The following SH3KBP1 variants were observed in gnomAD, a reference collection of about 807,000 sequenced individuals.
SH3KBP1 encodes the protein SH3 domain-containing kinase-binding protein 1.
In SH3KBP1, 8 loss-of-function variants were observed where a neutral mutation model predicts 50.1. That is an observed-to-expected ratio of 0.16 (90% CI 0.09 to 0.29). SH3KBP1 has a LOEUF of 0.29. SH3KBP1 is among the 10% of genes least tolerant of loss of function. The pLI is 1.00. For synonymous variants in SH3KBP1, 227 were observed against 218.6 expected, an observed-to-expected ratio of 1.04 and a Z score of -0.34; for missense variants, 377 against 535.2, an observed-to-expected ratio of 0.70 and a Z score of 2.92.
At chrX:19,612,251 A>G (rs943279051) in intron 8 of SH3KBP1, among the ~76,000 whole-genome samples, 34 of 111,689 alleles carry the variant, frequency 3.0e-4, no homozygotes, top group African/African-American at 1.1e-3. Flanking sequence ...ATAAAATAGC[A>G]GCAAATTCTA....
At chrX:19,558,694 AT>A (rs1214619760) in intron 13 of SH3KBP1, among the ~76,000 whole-genome samples, 3 of 111,844 alleles carry the variant, frequency 2.7e-5, no homozygotes, top group African/African-American at 9.8e-5. Flanking sequence ...GAAGTTTAAG[AT>A]TTTTTCTTTC....
At chrX:19,759,457 C>T (rs982704328) in intron 2 of SH3KBP1, among the ~76,000 whole-genome samples, 24 of 111,997 alleles carry the variant, frequency 2.1e-4, no homozygotes, top group Middle Eastern at 9.2e-3. Flanking sequence ...GACTTTTTAA[C>T]GAACAAAAAA....
rs902198436 is a variant in SH3KBP1 at position 19,613,496 on chromosome X, G to A, written c.898-5451C>T. On this transcript the variant is annotated intron_variant, in intron 8 of 17. Coordinates refer to ENST00000397821, the MANE Select transcript of SH3KBP1 (RefSeq NM_031892.3). ...GACCTAAACCCTTAGCAAGAATATG[G>A]AAAGAAATCATATTTCTGACATATC... is the stretch of plus-strand genomic sequence containing the variant. Among the ~76,000 whole-genome samples, 3 of 112,168 alleles carry A rather than the reference G, an allele frequency of 2.7e-5. No individual in the cohort carries two copies. The Admixed American group carries it at 2.8e-4, about 11-fold the overall frequency.
chrX:19,842,051 T>C (rs1018528754), intron 1 of SH3KBP1, among the ~76,000 whole-genome samples: 2 of 111,114 alleles, frequency 1.8e-5, no homozygotes, highest in African/African-American at 6.6e-5. Flanking sequence ...AATCAGTGGC[T>C]GCCTAGGGCC....
chrX:19,669,930 A>AGCCAACAG (rs2062742495), intron 6 of SH3KBP1, among the ~76,000 whole-genome samples: 1 of 110,314 alleles, frequency 9.1e-6, no homozygotes, highest in African/African-American at 3.3e-5. Context: ...TATAAGTTAA[A>AGCCAACAG]GCCAACAGAA....
At chrX:19,680,220 C>CA (rs1340959067) in intron 6 of SH3KBP1, among the ~76,000 whole-genome samples, 70 of 107,349 alleles carry the variant, frequency 6.5e-4, no homozygotes, top group Non-Finnish European at 1.1e-3. Flanking sequence ...ACTAAAAATA[C>CA]AAAAAAAAAT....
At chrX:19,550,321 C>A (rs1363108979) in intron 13 of SH3KBP1, among the ~76,000 whole-genome samples, 6 of 111,515 alleles carry the variant, frequency 5.4e-5, no homozygotes, top group Non-Finnish European at 7.5e-5. Flanking sequence ...CAGGATTTTT[C>A]TTTTTCCCTT....
intron 1 of SH3KBP1, among the ~76,000 whole-genome samples, chrX:19,872,692 C>T (rs537653774): frequency 9.1e-6 from 1 of 109,846 alleles, no homozygotes; most frequent in Non-Finnish European, 1.9e-5. Context: ...AGGAGAATGG[C>T]GTGAACCCGG....
intron 3 of SH3KBP1, among the ~76,000 whole-genome samples, chrX:19,717,239 T>G (rs1413852305): frequency 8.9e-6 from 1 of 111,907 alleles, no homozygotes; most frequent in East Asian, 2.8e-4. Context: ...GACCTTCTCT[T>G]ACTTGTCCTT....
At position 19,535,158 on chromosome X, in the gene SH3KBP1, C is replaced by T. The variant is rs1273828765; in HGVS notation, c.*1259G>A. On this transcript the variant is annotated 3_prime_UTR_variant, in exon 18 of 18. Transcript: ENST00000397821. ...GAGAAAACAGTTACATAGTCTAAGG[C>T]TGAACTGTTCATGTACTACAAAGAT... 9 of 287,570 alleles carry T rather than the reference C, an allele frequency of 3.1e-5. No homozygotes were observed. Among genetic ancestry groups the T allele is most frequent in the Non-Finnish European group, 5.4e-5 (9 of 165,146 alleles). The allele number at this position is 287,570 out of a possible 1,213,427, so 23.7% of individuals were successfully genotyped here.
chrX:19,539,755 A>G (rs2064827711), intron 16 of SH3KBP1, among the ~76,000 whole-genome samples: 1 of 111,722 alleles, frequency 9.0e-6, no homozygotes, highest in African/African-American at 3.3e-5. Flanking sequence ...GGAAACTGAC[A>G]TGAAGGACTA....
intron 13 of SH3KBP1, among the ~76,000 whole-genome samples, chrX:19,566,304 C>T (rs2065841287): frequency 1.6e-5 from 1 of 63,898 alleles, no homozygotes; most frequent in Non-Finnish European, 3.1e-5. Flanking sequence ...GGTGAACCCG[C>T]CCCCCCATCA....
chrX:19,818,767 AC>A (rs950462794), intron 2 of SH3KBP1, among the ~76,000 whole-genome samples: 6 of 111,703 alleles, frequency 5.4e-5, no homozygotes, highest in Non-Finnish European at 1.1e-4. Context: ...TCTGGAATAA[AC>A]CCCACTTGGT....
intron 4 of SH3KBP1, 73 bp from the exon 5 acceptor site, chrX:19,695,814 C>T: frequency 9.5e-7 from 1 of 1,054,883 alleles, no homozygotes; most frequent in Non-Finnish European, 1.3e-6. Context: ...TTTTGCCTCC[C>T]ATATGTATAG....
chrX:19,567,545 A>AT (rs2065882841), intron 13 of SH3KBP1, among the ~76,000 whole-genome samples: 2 of 72,190 alleles, frequency 2.8e-5, no homozygotes, highest in African/African-American at 1.4e-4. Context: ...AAAAAAAAAA[A>AT]AAAAAAAAAA....
chrX:19,681,191 T>G (rs2063041465), intron 6 of SH3KBP1, among the ~76,000 whole-genome samples: 1 of 112,176 alleles, frequency 8.9e-6, no homozygotes, highest in African/African-American at 3.2e-5. Flanking sequence ...CATTTTGGAT[T>G]TTGGATTAGG....
At chrX:19,827,781 CTTTTTTTTTTTT>C (rs138898288) in intron 2 of SH3KBP1, among the ~76,000 whole-genome samples, 1 of 36,223 alleles carries the variant, frequency 2.8e-5, no homozygotes, top group Non-Finnish European at 5.0e-5. Flanking sequence ...GAAGTGCAGT[CTTTTTTTTTTTT>C]TTTTTTTTTT....
At chrX:19,799,813 C>T (rs978243494) in intron 2 of SH3KBP1, 7 of 1,099,606 alleles carry the variant, frequency 6.4e-6, no homozygotes, top group African/African-American at 1.9e-5. Flanking sequence ...CATCCTGTCC[C>T]GTACCCAACC....
chrX:19,701,766 T>A (rs1181298557), intron 4 of SH3KBP1, among the ~76,000 whole-genome samples: 1 of 112,535 alleles, frequency 8.9e-6, no homozygotes, highest in African/African-American at 3.2e-5. Flanking sequence ...AGACTGAGCA[T>A]GTTTCAAGGG....
Sources: gnomAD v4.1 joint callset for allele counts (sites outside exome capture counted in the v4.1 genomes callset) on GRCh38, gnomAD v4.1.1 for gene constraint, MANE v1.5 for transcripts, NCBI Gene and HGNC (gene_info 2026-07-23, HGNC 2026-07-21) for gene names.